The following WDR70 variants were observed in gnomAD, a reference collection of about 807,000 sequenced individuals.
WDR70 encodes WD repeat domain 70.
In WDR70, 53 loss-of-function variants were observed where a neutral mutation model predicts 88.6. That is an observed-to-expected ratio of 0.60 (90% CI 0.48 to 0.75). The LOEUF is 0.75. WDR70 is among the 30% of genes least tolerant of loss of function. The pLI, the probability that WDR70 is intolerant of heterozygous loss-of-function variation, is 0.00. For missense variants in WDR70, 610 were observed against 823.2 expected, an observed-to-expected ratio of 0.74 and a Z score of 3.17; for synonymous variants, 280 against 270.0, an observed-to-expected ratio of 1.04 and a Z score of -0.36.
intron 9 of WDR70, among the ~76,000 whole-genome samples, chr5:37,523,346 C>T (rs540687252): frequency 5.9e-5 from 9 of 152,292 alleles, no homozygotes; most frequent in South Asian, 4.1e-4. Context: ...CTGCAGCCTC[C>T]GCTGCTGATA....
Position 37,738,028 on chromosome 5 carries a change from T to TAA in WDR70, c.1877+10983_1877+10984insAA, listed in dbSNP as rs1748352549. ...TCTTGTTGCCTAGTGTGCCTAATAT[T>TAA]TAAAAAAAAAAAAAACAAACAAAAA... is the stretch of plus-strand genomic sequence containing the variant. On this transcript the variant is annotated intron_variant, in intron 17 of 17. Transcript: ENST00000265107. Among the ~76,000 whole-genome samples the TAA allele has an allele frequency of 9.8e-5, 12 of 122,002 alleles. No individual in the cohort carries two copies. The South Asian group carries it at 3.3e-3, about 34-fold the overall frequency. The allele number at this position is 122,002 out of a possible 152,430, so 80.0% of individuals were successfully genotyped here.
At chr5:37,531,587 C>CTTTTTTTTTT (rs149831770) in intron 9 of WDR70, among the ~76,000 whole-genome samples, 5 of 77,734 alleles carry the variant, frequency 6.4e-5, no homozygotes, top group East Asian at 3.5e-4. Context: ...TAAAGTTTTT[C>CTTTTTTTTTT]TTTTTTTTTT....
intron 7 of WDR70, among the ~76,000 whole-genome samples, chr5:37,453,830 T>C (rs922581492): frequency 6.6e-6 from 1 of 152,232 alleles, no homozygotes; most frequent in Non-Finnish European, 1.5e-5. Context: ...TTTTGAGTCA[T>C]GTTTCAGCTC....
intron 10 of WDR70, among the ~76,000 whole-genome samples, chr5:37,694,858 A>T (rs530500425): frequency 6.6e-6 from 1 of 151,942 alleles, no homozygotes; most frequent in South Asian, 2.1e-4. Flanking sequence ...TAATAATAAT[A>T]ATAATAAAGC....
intron 13 of WDR70, among the ~76,000 whole-genome samples, chr5:37,710,952 G>C (rs1172804284): frequency 3.3e-5 from 5 of 151,964 alleles, no homozygotes; most frequent in African/African-American, 1.2e-4. Context: ...TCTCTGAAAA[G>C]TATGTAGGTC....
intron 9 of WDR70, among the ~76,000 whole-genome samples, chr5:37,534,081 G>T (rs1741581820): frequency 6.6e-6 from 1 of 152,114 alleles, no homozygotes; most frequent in African/African-American, 2.4e-5. Flanking sequence ...GCTATCCAGG[G>T]CTGCAAGACC....
intron 16 of WDR70, among the ~76,000 whole-genome samples, 172 bp downstream of exon 16, chr5:37,725,222 C>T (rs1295702279): frequency 6.6e-6 from 1 of 152,004 alleles, no homozygotes; most frequent in African/African-American, 2.4e-5. Flanking sequence ...ATGCAGAATC[C>T]AGATGTATAA....
chr5:37,680,165 T>C (rs1319981811), intron 10 of WDR70, among the ~76,000 whole-genome samples: 1 of 152,246 alleles, frequency 6.6e-6, no homozygotes, highest in African/African-American at 2.4e-5. Context: ...GAGCTTTTTT[T>C]TTTTTCATAT....
chr5:37,706,418 A>G (rs1386339427), intron 13 of WDR70, among the ~76,000 whole-genome samples: 1 of 152,054 alleles, frequency 6.6e-6, no homozygotes, highest in Non-Finnish European at 1.5e-5. Flanking sequence ...GTAGCTCCTC[A>G]TATGTTGTGG....
chr5:37,565,855 T>C (rs1742724405), intron 9 of WDR70, among the ~76,000 whole-genome samples: 1 of 152,108 alleles, frequency 6.6e-6, no homozygotes, highest in South Asian at 2.1e-4. Context: ...AAATAGAAGA[T>C]TTGAATGTGT....
chr5:37,517,729 T>A (rs948760652), intron 9 of WDR70, among the ~76,000 whole-genome samples: 1 of 86,216 alleles, frequency 1.2e-5, no homozygotes, highest in Admixed American at 1.3e-4. Context: ...ATGGGGTATG[T>A]GAGATATTTT....
In WDR70 at chr5:37,665,241, A is replaced by G. The variant is rs138422622; in HGVS notation, c.1093-32414A>G. Reference sequence around the variant, plus strand: ...CTTCAGTTCTTCTTTCCATTCACCTATATTCTCATCACTTTGTCTCCTACT... The same window carrying G: ...CTTCAGTTCTTCTTTCCATTCACCTGTATTCTCATCACTTTGTCTCCTACT... On this transcript the variant is annotated intron_variant, in intron 10 of 17. Transcript: ENST00000265107. Among the ~76,000 whole-genome samples, 49 of 152,194 alleles carry G rather than the reference A, an allele frequency of 3.2e-4. 1 individual carries two copies. In the East Asian group the frequency reaches 8.3e-3, roughly 26 times the overall value.
intron 5 of WDR70, among the ~76,000 whole-genome samples, chr5:37,437,066 T>G (rs1003058100): frequency 3.9e-5 from 6 of 152,146 alleles, no homozygotes; most frequent in African/African-American, 1.4e-4. Flanking sequence ...CTGCCCATAC[T>G]CCTGTCTATG....
At chr5:37,668,934 A>ACC (rs1452100811) in intron 10 of WDR70, among the ~76,000 whole-genome samples, 1 of 152,020 alleles carries the variant, frequency 6.6e-6, no homozygotes, top group Non-Finnish European at 1.5e-5. Flanking sequence ...AAAGTAGAGA[A>ACC]CCCTCCTGGA....
At chr5:37,621,424 A>G (rs971048778) in intron 10 of WDR70, among the ~76,000 whole-genome samples, 4 of 152,166 alleles carry the variant, frequency 2.6e-5, no homozygotes, top group Non-Finnish European at 4.4e-5. Context: ...AAAGTGTTTC[A>G]TCACCCGATA....
At chr5:37,438,070 A>G (rs745967407) in intron 6 of WDR70, 89 bp downstream of exon 6, 9 of 1,078,664 alleles carry the variant, frequency 8.3e-6, no homozygotes, top group South Asian at 3.3e-5. Context: ...TATTAAGGCT[A>G]ATTATACAAT....
intron 9 of WDR70, among the ~76,000 whole-genome samples, chr5:37,543,681 C>T (rs959202521): frequency 1.3e-5 from 2 of 152,040 alleles, no homozygotes; most frequent in Non-Finnish European, 2.9e-5. Flanking sequence ...ATCATCTCCC[C>T]AACCTCACCT....
At chr5:37,562,262 C>T (rs192067336) in intron 9 of WDR70, among the ~76,000 whole-genome samples, 16 of 151,984 alleles carry the variant, frequency 1.1e-4, no homozygotes, top group East Asian at 3.9e-4. Flanking sequence ...GAGGCTAAGG[C>T]GCAAAAATTG....
At chr5:37,707,945 AAAAATATATATATATATATATATATATAT>A (rs1747399193) in intron 13 of WDR70, among the ~76,000 whole-genome samples, 2 of 22,124 alleles carry the variant, frequency 9.0e-5, no homozygotes, top group African/African-American at 4.5e-4. Context: ...AAAAAAAAAA[AAAAATATATATATATATATATATATATAT>A]ATATATATAT....
Sources: allele counts gnomAD v4.1 joint callset (sites outside exome capture counted in the v4.1 genomes callset), GRCh38; gene constraint gnomAD v4.1.1; transcripts MANE v1.5; gene names NCBI Gene and HGNC (gene_info 2026-07-23, HGNC 2026-07-21).